Variants in NRG1 observed in about 807,000 individuals in gnomAD.
NRG1 encodes the protein neuregulin 1, also known as pro-neuregulin-1, membrane-bound isoform.
NRG1 carries 18 observed loss-of-function variants against 63.8 expected under a neutral mutation model. That is an observed-to-expected ratio of 0.28 (90% CI 0.19 to 0.42). The LOEUF is 0.42. Among genes scored for constraint, NRG1 ranks in the 10% least tolerant of loss-of-function variants. The pLI, the probability that NRG1 is intolerant of heterozygous loss-of-function variation, is 1.00. For missense variants in NRG1, 762 were observed against 814.7 expected (o/e 0.94, Z 0.79); for synonymous variants, 302 against 301.3 (o/e 1.00, Z -0.02).
chr8:31,833,165 TG>T (rs1203189109), intron 1 of NRG1, among the ~76,000 whole-genome samples: 2 of 152,138 alleles, frequency 1.3e-5, no homozygotes, highest in South Asian at 2.1e-4. Flanking sequence ...AGAGTGGGAT[TG>T]GGGGCAAAAG....
chr8:32,167,943 C>T (rs2131975860), intron 1 of NRG1, among the ~76,000 whole-genome samples: 2 of 152,226 alleles, frequency 1.3e-5, no homozygotes, highest in South Asian at 4.2e-4. Flanking sequence ...GAGCAGCTTG[C>T]CCCTCCCTCT....
chr8:32,621,404 G>C (rs1423358637), intron 5 of NRG1, among the ~76,000 whole-genome samples: 1 of 152,144 alleles, frequency 6.6e-6, no homozygotes, highest in Non-Finnish European at 1.5e-5. Context: ...CTATCTTGCT[G>C]CTCCTTTTAT....
chr8:31,845,465 A>G (rs748370661), intron 1 of NRG1, among the ~76,000 whole-genome samples: 1 of 152,058 alleles, frequency 6.6e-6, no homozygotes, highest in Non-Finnish European at 1.5e-5. Flanking sequence ...TCAGTGGTTG[A>G]TTAACTGTTT....
At chr8:32,467,359 C>T (rs561032254) in intron 1 of NRG1, among the ~76,000 whole-genome samples, 35 of 152,228 alleles carry the variant, frequency 2.3e-4, no homozygotes, top group African/African-American at 8.4e-4. Flanking sequence ...CCCGGAGCCC[C>T]CATGAAAGTG....
intron 5 of NRG1, among the ~76,000 whole-genome samples, chr8:32,662,461 A>G (rs534613504): frequency 5.3e-5 from 8 of 152,106 alleles, no homozygotes; most frequent in Non-Finnish European, 1.5e-5. Context: ...TTTCCACCGA[A>G]AGAGATGAGG....
In NRG1 at chr8:31,937,483, T is replaced by G. The variant is rs571053641; in HGVS notation, c.37+298052T>G. ...AAGAAACACTAGACAGAAAATAATT[T>G]TATTTGAATTTAAAAAATGGGAGAG... On this transcript the variant is annotated intron_variant, in intron 1 of 10. Coordinates refer to the NRG1 transcript ENST00000519301. Among the ~76,000 whole-genome samples the G allele has an allele frequency of 1.2e-4, 19 of 152,250 alleles. 1 individual carries two copies. The South Asian group carries it at 3.9e-3, about 32-fold the overall frequency.
chr8:31,712,239 G>A (rs931928178), intron 1 of NRG1, among the ~76,000 whole-genome samples: 4 of 110,574 alleles, frequency 3.6e-5, no homozygotes, highest in African/African-American at 1.5e-4. Context: ...TTGACTTCCT[G>A]TTTCTTCTTC....
At chr8:32,748,384 G>GAGAGAGAGAGAGAT (rs1827978675) in intron 7 of NRG1, among the ~76,000 whole-genome samples, 1 of 151,712 alleles carries the variant, frequency 6.6e-6, no homozygotes, top group Non-Finnish European at 1.5e-5. Flanking sequence ...GAGAGAGAGA[G>GAGAGAGAGAGAGAT]AGAGAGAGAG....
intron 1 of NRG1, among the ~76,000 whole-genome samples, chr8:31,992,598 C>T (rs569080031): frequency 3.3e-5 from 5 of 152,060 alleles, no homozygotes; most frequent in Admixed American, 1.3e-4. Flanking sequence ...AAAATTAATT[C>T]GACTAGAAAG....
chr8:32,380,869 G>T (rs1334909548), intron 1 of NRG1, among the ~76,000 whole-genome samples: 1 of 152,134 alleles, frequency 6.6e-6, no homozygotes, highest in Non-Finnish European at 1.5e-5. Flanking sequence ...GTGTACTTGG[G>T]ATATCCATCA....
chr8:32,153,550 T>G (rs899936339), intron 1 of NRG1, among the ~76,000 whole-genome samples: 4 of 152,220 alleles, frequency 2.6e-5, no homozygotes, highest in Non-Finnish European at 4.4e-5. Flanking sequence ...AGTAACTCCC[T>G]GAAATCCACT....
chr8:32,163,273 G>A (rs1301482600), intron 1 of NRG1, among the ~76,000 whole-genome samples: 1 of 152,138 alleles, frequency 6.6e-6, no homozygotes, highest in Non-Finnish European at 1.5e-5. Context: ...CTTTGTATGT[G>A]TGAGAGCACT....
chr8:32,761,770 G>T (rs1041363535), intron 11 of NRG1, among the ~76,000 whole-genome samples: 4 of 151,930 alleles, frequency 2.6e-5, no homozygotes, highest in African/African-American at 9.7e-5. Flanking sequence ...GCTGGGCACG[G>T]TGGCTCACGC....
chr8:32,048,848 A>G (rs766846547), intron 1 of NRG1, among the ~76,000 whole-genome samples: 4 of 151,732 alleles, frequency 2.6e-5, no homozygotes, highest in Non-Finnish European at 5.9e-5. Flanking sequence ...TGAGTTCCTT[A>G]TATATTTTGG....
chr8:32,223,711 T>A (rs1846050651), intron 1 of NRG1, among the ~76,000 whole-genome samples: 1 of 152,168 alleles, frequency 6.6e-6, no homozygotes, highest in African/African-American at 2.4e-5. Flanking sequence ...TGCCCTCTAG[T>A]GACTGCACTT....
chr8:31,953,654 A>G (rs1002302144), intron 1 of NRG1, among the ~76,000 whole-genome samples: 1 of 152,214 alleles, frequency 6.6e-6, no homozygotes, highest in Non-Finnish European at 1.5e-5. Context: ...TTGGCAATAT[A>G]TAAATAGACT....
chr8:32,123,204 G>T (rs1039230020), intron 1 of NRG1, among the ~76,000 whole-genome samples: 1 of 151,660 alleles, frequency 6.6e-6, no homozygotes, highest in African/African-American at 2.4e-5. Context: ...GGGGTTGGCT[G>T]TGGCCCCCTC....
chr8:32,158,361 G>A (rs1024141208), intron 1 of NRG1, among the ~76,000 whole-genome samples: 1 of 149,182 alleles, frequency 6.7e-6, no homozygotes, highest in Admixed American at 6.8e-5. Flanking sequence ...TTTAAAAAAA[G>A]ATTAAAATAA....
At chr8:32,023,667 C>T (rs186368854) in intron 1 of NRG1, among the ~76,000 whole-genome samples, 5 of 152,226 alleles carry the variant, frequency 3.3e-5, no homozygotes, top group East Asian at 1.9e-4. Context: ...CCCAGACAGA[C>T]GCCCATTGGT....
Sources: allele counts gnomAD v4.1 joint callset (sites outside exome capture counted in the v4.1 genomes callset), GRCh38; gene constraint gnomAD v4.1.1; transcripts MANE v1.5; gene names NCBI Gene and HGNC (gene_info 2026-07-23, HGNC 2026-07-21).